The following BET1 variants were observed in gnomAD, a reference collection of about 807,000 sequenced individuals.
BET1 encodes the protein BET1 homolog.
A neutral mutation model predicts 13.9 loss-of-function variants in BET1; 9 were observed. The observed-to-expected ratio is 0.65, with a 90% CI of 0.39 to 1.13. The LOEUF (loss-of-function observed/expected upper bound fraction) is 1.13, where lower values mean the gene tolerates loss of function less well. Ranked by LOEUF, BET1 falls within the 50% of genes most tolerant of loss-of-function variation. The pLI, the probability that BET1 is intolerant of heterozygous loss-of-function variation, is 0.01. For missense variants in BET1, 127 were observed against 133.6 expected (o/e 0.95, Z 0.24); for synonymous variants, 39 against 47.3 (o/e 0.82, Z 0.72).
At chr7:93,983,298 T>A (rs1795460116) in intron 4 of BET1, among the ~76,000 whole-genome samples, 1 of 152,202 alleles carries the variant, frequency 6.6e-6, no homozygotes, top group South Asian at 2.1e-4. Context: ...TATTAATTAT[T>A]TCTTCATGCC....
chr7:93,971,544 A>G (rs1033209021), intron 6 of BET1, among the ~76,000 whole-genome samples: 9 of 151,768 alleles, frequency 5.9e-5, no homozygotes, highest in African/African-American at 1.9e-4. Context: ...CTGAATCTAA[A>G]CAGCCCTACT....
rs1261959844 is a variant in BET1, at chr7:93,999,235, C to A, written c.79G>T (p.Ala27Ser). ...NYGYANSGYS[A>S]CEEENERLTE... Reference sequence around the variant, plus strand: ...AGCCTCTCATTTTCTTCTTCACAGGCACTATACCCACTATTAGCATAGCCA... The same window carrying A: ...AGCCTCTCATTTTCTTCTTCACAGGAACTATACCCACTATTAGCATAGCCA... The change falls in exon 2 of 4, where the codon GCC becomes TCC. Residue 27 changes from alanine to serine, a missense_variant. Ala to Ser is a moderately conservative substitution (Grantham distance 99). Coordinates refer to ENST00000222547, the MANE Select transcript of BET1 (RefSeq NM_005868.6). The A allele has an allele frequency of 1.2e-6, 2 of 1,613,464 alleles. No individual in the cohort carries two copies. Among genetic ancestry groups the A allele is most frequent in the East Asian group, 2.2e-5 (1 of 44,834 alleles).
chr7:93,972,992 C>T (rs1242038126), intron 5 of BET1, among the ~76,000 whole-genome samples: 1 of 151,758 alleles, frequency 6.6e-6, no homozygotes, highest in Non-Finnish European at 1.5e-5. Flanking sequence ...TGGCTGAATT[C>T]TTTAGTCTTT....
At position 94,004,344 on chromosome 7, in the gene BET1, C is replaced by CGGATCATCTTT. The variant is rs1395104662; in HGVS notation, c.-129_-128insAAAGATGATCC. The stretch of plus-strand genomic sequence containing the variant: ...ACACCAACTTCTTCCCCTAAAGCGC[C>CGGATCATCTTT]ACGACATCAGTGGAGTCTAAACACC... On this transcript the variant is annotated 5_prime_UTR_variant, in exon 1 of 4. The change creates a new upstream start codon in the 5' untranslated region. Coordinates refer to ENST00000222547, the MANE Select transcript of BET1 (RefSeq NM_005868.6). 2.3e-6 allele frequency: 3 copies of CGGATCATCTTT among 1,312,858 alleles called. No individual in the cohort carries two copies. Among genetic ancestry groups the CGGATCATCTTT allele is most frequent in the African/African-American group, 2.9e-5 (2 of 68,748 alleles). The allele number at this position is 1,312,858 out of a possible 1,614,324, so 81.3% of individuals were successfully genotyped here.
At position 93,998,527 on chromosome 7, in the gene BET1, T is replaced by C. The variant is rs1323046706; in HGVS notation, c.144+643A>G. 3.3e-5 allele frequency among the ~76,000 whole-genome samples: 5 copies of C among 152,128 alleles called. No homozygotes were observed. In the Middle Eastern group the frequency reaches 0.017, roughly 517 times the overall value. ...CAGCCTGGCCAACATGGTAAAACCC[T>C]GTCTCTGCTAAAAATACAAAAATTA... is the stretch of plus-strand genomic sequence containing the variant. On this transcript the variant is annotated intron_variant, in intron 2 of 3. Coordinates refer to ENST00000222547, the MANE Select transcript of BET1 (RefSeq NM_005868.6).
chr7:93,968,129 C>G (rs1225444555), intron 6 of BET1, among the ~76,000 whole-genome samples: 4 of 151,790 alleles, frequency 2.6e-5, no homozygotes, highest in South Asian at 2.1e-4. Flanking sequence ...CATAATCACT[C>G]TCTTGATGAT....
intron 4 of BET1, among the ~76,000 whole-genome samples, chr7:93,979,080 A>T (rs1795385055): frequency 1.3e-5 from 2 of 152,148 alleles, no homozygotes; most frequent in Admixed American, 1.3e-4. Context: ...CAGATTCCTG[A>T]ATCTTTGGAA....
chr7:93,992,548 A>C, downstream of BET1: 1 of 985,396 alleles, frequency 1.0e-6, no homozygotes, highest in Non-Finnish European at 1.2e-6. Flanking sequence ...ACTTGACACA[A>C]AGTACAGTTA....
At chr7:93,964,453 T>C (rs1324897945) in exon 7 of BET1, 1 of 152,118 alleles carries the variant, frequency 6.6e-6, no homozygotes, top group Admixed American at 6.6e-5. Context: ...TTTCATTCTT[T>C]TTTATGGCTA....
Position 93,993,409 on chromosome 7 carries a change from T to G in BET1, c.*821A>C, listed in dbSNP as rs1425995127. 3.1e-6 allele frequency: 3 copies of G among 983,232 alleles called. No individual in the cohort carries two copies. Among genetic ancestry groups the G allele is most frequent in the Non-Finnish European group, 1.2e-6 (1 of 827,564 alleles). The allele number at this position is 983,232 out of a possible 1,614,324, so 60.9% of individuals were successfully genotyped here. On this transcript the variant is annotated 3_prime_UTR_variant, in exon 4 of 4. Coordinates refer to ENST00000222547, the MANE Select transcript of BET1 (RefSeq NM_005868.6). ...ATACACTGGATTAAAGCAATAATAC[T>G]CTTATCTTCAAGTTCAATGCCTGAG...
intron 1 of BET1, among the ~76,000 whole-genome samples, chr7:94,003,474 G>A (rs1345279929): frequency 6.6e-6 from 1 of 151,194 alleles, no homozygotes; most frequent in East Asian, 1.9e-4. Context: ...AAAAAATCGT[G>A]TCCTAAGAGA....
chr7:93,998,697 CT>C (rs772260289), intron 2 of BET1, among the ~76,000 whole-genome samples: 86 of 149,048 alleles, frequency 5.8e-4, no homozygotes, highest in Non-Finnish European at 1.1e-3. Context: ...AAAACTCCAT[CT>C]CAAAAAAAAA....
chr7:93,993,129 T>C (rs1026436197), downstream of BET1: 3 of 983,744 alleles, frequency 3.0e-6, no homozygotes, highest in Admixed American at 6.1e-5. Flanking sequence ...GCTTATTTGT[T>C]TGAATCAAGT....
chr7:94,002,408 T>C (rs1562810132), intron 1 of BET1, among the ~76,000 whole-genome samples: 1 of 148,178 alleles, frequency 6.7e-6, no homozygotes, highest in Non-Finnish European at 1.5e-5. Flanking sequence ...ATAGCAATAG[T>C]AGTTACCTAG....
chr7:94,000,107 CTTT>C (rs11438992), intron 1 of BET1, among the ~76,000 whole-genome samples: 5 of 141,682 alleles, frequency 3.5e-5, no homozygotes, highest in African/African-American at 5.2e-5. Flanking sequence ...GTTAACTATA[CTTT>C]TTTTTTTTTT....
chr7:93,979,149 AG>A (rs2116059882), intron 4 of BET1, among the ~76,000 whole-genome samples: 1 of 152,268 alleles, frequency 6.6e-6, no homozygotes, highest in Non-Finnish European at 1.5e-5. Flanking sequence ...TCTGGCTTTC[AG>A]GAAGACAGGA....
At chr7:93,983,484 A>G (rs1447556046) in intron 4 of BET1, among the ~76,000 whole-genome samples, 1 of 152,194 alleles carries the variant, frequency 6.6e-6, no homozygotes, top group African/African-American at 2.4e-5. Context: ...AAGGACACAT[A>G]ACATGTTTTC....
chr7:93,963,052 G>T lies in BET1; in HGVS notation c.*2773C>A, dbSNP rs143916653. 502 of 152,110 alleles carry T rather than the reference G, an allele frequency of 3.3e-3. 6 individuals are homozygous for T. The highest frequency in any genetic ancestry group is 0.012 in the African/African-American group (486 of 41,514). The allele number at this position is 152,110 out of a possible 1,614,324, so 9.4% of individuals were successfully genotyped here. On this transcript the variant is annotated 3_prime_UTR_variant and NMD_transcript_variant, in exon 7 of 7. Coordinates refer to the BET1 transcript ENST00000357520. ...TCAAACTTATTTAAAGTTAACATTGGCCATGACTTCATCAAGCCCATGTCA... is the reference window on the plus strand; with the variant it reads ...TCAAACTTATTTAAAGTTAACATTGTCCATGACTTCATCAAGCCCATGTCA...
At chr7:93,965,958 C>G (rs889602554) in intron 6 of BET1, among the ~76,000 whole-genome samples, 19 of 152,086 alleles carry the variant, frequency 1.2e-4, no homozygotes, top group Non-Finnish European at 2.6e-4. Flanking sequence ...TTGGAGTAGA[C>G]TGCTCCCACC....
Sources: allele counts gnomAD v4.1 joint callset (sites outside exome capture counted in the v4.1 genomes callset), GRCh38; gene constraint gnomAD v4.1.1; transcripts MANE v1.5; gene names NCBI Gene and HGNC (gene_info 2026-07-23, HGNC 2026-07-21).